The following FOXRED2 variants were observed in gnomAD, a reference collection of about 807,000 sequenced individuals.
FOXRED2 encodes the protein FAD-dependent oxidoreductase domain-containing protein 2.
A neutral mutation model predicts 52.5 loss-of-function variants in FOXRED2; 32 were observed. The ratio of observed to expected loss-of-function variants is 0.61; its 90% CI spans 0.46 to 0.82. FOXRED2 has a LOEUF of 0.82. FOXRED2 is among the 40% of genes least tolerant of loss of function. FOXRED2 has a pLI of 0.00. For missense variants in FOXRED2, 848 were observed against 937.5 expected, an observed-to-expected ratio of 0.90 and a Z score of 1.25; for synonymous variants, 405 against 398.1, an observed-to-expected ratio of 1.02 and a Z score of -0.21.
chr22:36,498,929 G>A (rs1204930948), intron 5 of FOXRED2, among the ~76,000 whole-genome samples: 1 of 150,984 alleles, frequency 6.6e-6, no homozygotes, highest in Non-Finnish European at 1.5e-5. Context: ...CCACCTTACC[G>A]TCTTCATTTG....
chr22:36,503,907 C>A (rs533204496), intron 4 of FOXRED2, among the ~76,000 whole-genome samples, 191 bp downstream of exon 4: 1 of 152,328 alleles, frequency 6.6e-6, no homozygotes, highest in South Asian at 2.1e-4. Flanking sequence ...GACCAAGGGC[C>A]TCAGGGCCAC....
chr22:36,504,115 G>C lies in FOXRED2; in HGVS notation c.1032C>G (p.Asp344Glu), dbSNP rs1033977328. Residue 344 changes from aspartate to glutamate, a missense_variant, in exon 4 of 9, where the codon GAC becomes GAG. By Grantham distance (45) the Asp-to-Glu change is conservative (BLOSUM62 2). Transcript: ENST00000397224. ...GAACTCACTTATTGAAAATGGAGAAGTCAAAGTTCCAGCCCAGGCAGCGGA... is the reference window on the plus strand; with the variant it reads ...GAACTCACTTATTGAAAATGGAGAACTCAAAGTTCCAGCCCAGGCAGCGGA... Reference protein sequence around the residue: ...RVIRCLGWNFDFSIFNKSLRL... With the variant: ...RVIRCLGWNFEFSIFNKSLRL... 1.9e-6 allele frequency: 3 copies of C among 1,614,034 alleles called. No homozygotes were observed. In the African/African-American group the frequency reaches 4.0e-5, roughly 22 times the overall value.
At chr22:36,505,338 G>A (rs971936956) in intron 2 of FOXRED2, among the ~76,000 whole-genome samples, 1 of 152,234 alleles carries the variant, frequency 6.6e-6, no homozygotes, top group Non-Finnish European at 1.5e-5. Context: ...AGCAGAGCCA[G>A]AGTCTAAACA....
rs1318820234 is a variant in FOXRED2 at position 36,504,770 on chromosome 22, C to T, written c.528-4G>A. 6 of 1,613,614 alleles carry T rather than the reference C, an allele frequency of 3.7e-6. No homozygotes were observed. The African/African-American group carries it at 6.7e-5, about 18-fold the overall frequency. On this transcript the variant is annotated splice_polypyrimidine_tract_variant and splice_region_variant and intron_variant, in intron 2 of 8. Coordinates refer to ENST00000397224, the MANE Select transcript of FOXRED2 (RefSeq NM_001102371.2). ...ACCAGTGGCTACAAAGAGGACGCTG[C>T]AGGCGGGGACAGAGGAAAGATGGCT... is the stretch of plus-strand genomic sequence containing the variant.
intron 5 of FOXRED2, among the ~76,000 whole-genome samples, chr22:36,500,406 A>G (rs960675740): frequency 6.6e-6 from 1 of 151,968 alleles, no homozygotes; most frequent in Admixed American, 6.6e-5. Flanking sequence ...TTTATTTCCC[A>G]TTTACTCCTA....
chr22:36,497,445 C>T (rs978456532), intron 6 of FOXRED2, among the ~76,000 whole-genome samples: 2 of 152,216 alleles, frequency 1.3e-5, no homozygotes, highest in Non-Finnish European at 2.9e-5. Context: ...ATAGCACGCC[C>T]TGCCTTTGGA....
intron 6 of FOXRED2, 43 bp downstream of exon 6, chr22:36,497,948 G>A: frequency 6.3e-7 from 1 of 1,589,656 alleles, no homozygotes; most frequent in Non-Finnish European, 8.6e-7. Flanking sequence ...AGCACGTCGG[G>A]AAAGCTGGGC....
In FOXRED2 at chr22:36,490,182, ACT is replaced by A; in HGVS notation, c.1879_1880del (p.Ser627TyrfsTer52). 1.2e-6 allele frequency: 2 copies of A among 1,614,092 alleles called. No individual in the cohort carries two copies. The highest frequency in any genetic ancestry group is 1.7e-6 in the Non-Finnish European group (2 of 1,179,966). ...CTCTGTGCTGCCAAAGGCTCTCGGT[ACT>A]CACGAGTCCCTGCATCCTCAGGTAC... is the stretch of plus-strand genomic sequence containing the variant. ...QGYLRMQGLV[S>X]TESLWQHRVE... is the part of the protein sequence containing the mutation. On this transcript the variant is annotated frameshift_variant, in exon 9 of 9. Coordinates refer to ENST00000397224, the MANE Select transcript of FOXRED2 (RefSeq NM_001102371.2). LOFTEE classifies it low-confidence loss of function (END_TRUNC).
At chr22:36,494,026 T>C (rs369844524) in intron 7 of FOXRED2, among the ~76,000 whole-genome samples, 1 of 152,308 alleles carries the variant, frequency 6.6e-6, no homozygotes, top group South Asian at 2.1e-4. Context: ...TTTTCCCTTG[T>C]GGTTTCGGAA....
At chr22:36,502,168 C>CAAAA (rs1348414983) in intron 4 of FOXRED2, among the ~76,000 whole-genome samples, 1 of 145,722 alleles carries the variant, frequency 6.9e-6, no homozygotes, top group African/African-American at 2.6e-5. Flanking sequence ...GACTCTGTCT[C>CAAAA]AAACAAACAA....
Position 36,501,656 on chromosome 22 carries a change from T to A in FOXRED2, c.1050-249A>T, listed in dbSNP as rs60679046. 2.5e-3 allele frequency among the ~76,000 whole-genome samples: 378 copies of A among 152,164 alleles called. 3 individuals are homozygous for A. Among genetic ancestry groups the A allele is most frequent in the African/African-American group, 8.3e-3 (344 of 41,530 alleles). On this transcript the variant is annotated intron_variant, in intron 4 of 8. Transcript: ENST00000397224. ...TTGTATTTTTAGTAGAGACCAGGTT[T>A]CACCACGTTAGCCAGCCTGGTCTCG...
Position 36,504,332 on chromosome 22 carries a change from A to G in FOXRED2, c.815T>C (p.Leu272Pro). 6.2e-7 allele frequency: 1 copy of G among 1,614,078 alleles called. No individual in the cohort carries two copies. Among genetic ancestry groups the G allele is most frequent in the Non-Finnish European group, 8.5e-7 (1 of 1,180,012 alleles). ...INNGLLDTYQ[L>P]KSLDGLLESD... ...CTCGAGCAGCCCGTCCAGGGACTTG[A>G]GCTGGTAGGTATCCAGCAGGCCATT... The change falls in exon 4 of 9, where the codon CTC becomes CCC. Residue 272 changes from leucine (L) to proline (P), a missense_variant. Physicochemically the swap from Leu to Pro is moderately conservative, Grantham distance 98. Coordinates refer to ENST00000397224, the MANE Select transcript of FOXRED2 (RefSeq NM_001102371.2).
Position 36,490,025 on chromosome 22 carries a change from T to G in FOXRED2, c.2038A>C (p.Asn680His). Residue 680 changes from asparagine to histidine, a missense_variant, in exon 9 of 9, where the codon AAC becomes CAC. Asn to His is a moderately conservative substitution (Grantham distance 68, BLOSUM62 1). Coordinates refer to ENST00000397224, the MANE Select transcript of FOXRED2 (RefSeq NM_001102371.2). ...AGGGACAGTCAGAGCTCCTCTTTGT[T>G]GCTATCGACGGACTGAGCCAGAGGC... ...PGPLAQSVDS[N>H]KEEL The G allele has an allele frequency of 6.3e-7, 1 of 1,588,492 alleles. No individual in the cohort carries two copies. Among genetic ancestry groups the G allele is most frequent in the South Asian group, 1.1e-5 (1 of 88,946 alleles).
At chr22:36,501,730 G>C (rs1934056223) in intron 4 of FOXRED2, among the ~76,000 whole-genome samples, 1 of 152,054 alleles carries the variant, frequency 6.6e-6, no homozygotes, top group Non-Finnish European at 1.5e-5. Context: ...CAAAGTGCTG[G>C]GATTACAAGC....
rs759634900 is a variant in FOXRED2 at position 36,504,363 on chromosome 22, T to C, written c.784A>G (p.Ile262Val). 6 of 1,613,768 alleles carry C rather than the reference T, an allele frequency of 3.7e-6. No individual in the cohort carries two copies. The East Asian group carries it at 8.9e-5, about 24-fold the overall frequency. The change falls in exon 4 of 9, where the codon ATC becomes GTC. Residue 262 changes from isoleucine to valine, a missense_variant. Transcript: ENST00000397224. ...ATHYVGDLRA[I>V]NNGLLDTYQL... is the part of the protein sequence containing the mutation. Reference sequence around the variant, plus strand: ...TAGGTATCCAGCAGGCCATTGTTGATGGCTCTGAGCCCACAGAGAATGCAG... The same window carrying C: ...TAGGTATCCAGCAGGCCATTGTTGACGGCTCTGAGCCCACAGAGAATGCAG...
chr22:36,488,453 T>G lies in FOXRED2; in HGVS notation c.*1555A>C, dbSNP rs1933662389. On this transcript the variant is annotated 3_prime_UTR_variant, in exon 9 of 9. Transcript: ENST00000397224. ...TTTTTTACCGTTAGTAGAGACAAGGTTTTGCTATGTTGGCCAGGCTGGTCT... is the reference window on the plus strand; with the variant it reads ...TTTTTTACCGTTAGTAGAGACAAGGGTTTGCTATGTTGGCCAGGCTGGTCT... 6.6e-6 allele frequency: 1 copy of G among 152,030 alleles called. No homozygotes were observed. 9.4% of individuals were successfully genotyped at this position (152,030 alleles called of 1,614,324 possible). A position where few individuals can be genotyped will look rare whatever the true frequency, so the allele number is the denominator to read the frequency against.
chr22:36,491,477 A>G (rs1057320277), intron 8 of FOXRED2, among the ~76,000 whole-genome samples: 1 of 151,980 alleles, frequency 6.6e-6, no homozygotes, highest in African/African-American at 2.4e-5. Context: ...ATCCCAGCTC[A>G]CTACAACCTC....
intron 7 of FOXRED2, among the ~76,000 whole-genome samples, chr22:36,495,149 T>C (rs1933863345): frequency 2.6e-5 from 4 of 151,872 alleles, no homozygotes; most frequent in Admixed American, 2.0e-4. Context: ...TTTTTAGAGA[T>C]GGGGTTTCAC....
intron 6 of FOXRED2, among the ~76,000 whole-genome samples, chr22:36,497,326 C>G (rs375140989): frequency 3.3e-5 from 5 of 151,774 alleles, no homozygotes; most frequent in African/African-American, 1.2e-4. Context: ...GATGACAGAG[C>G]GAGACTGTCT....
Sources: allele counts gnomAD v4.1 joint callset (sites outside exome capture counted in the v4.1 genomes callset), GRCh38; gene constraint gnomAD v4.1.1; transcripts MANE v1.5; gene names NCBI Gene and HGNC (gene_info 2026-07-23, HGNC 2026-07-21).